ROBO4: variants seen among roughly 807,000 people sequenced by gnomAD.
ROBO4 encodes roundabout guidance receptor 4.
ROBO4 carries 80 observed loss-of-function variants against 103.3 expected under a neutral mutation model. The ratio of observed to expected loss-of-function variants is 0.77; its 90% CI spans 0.65 to 0.93. The LOEUF is 0.93. ROBO4 is among the 40% of genes least tolerant of loss of function. ROBO4 has a pLI of 0.00. For missense variants in ROBO4, 1,333 were observed against 1,305.3 expected (o/e 1.02, Z -0.33); for synonymous variants, 504 against 529.7 (o/e 0.95, Z 0.67).
Position 124,893,933 on chromosome 11 carries a change from T to C in ROBO4, c.1431A>G (p.Ala477=). The change falls in exon 9 of 18, where the codon GCA becomes GCG. Residue 477 remains alanine (A), a synonymous_variant. Coordinates refer to ENST00000306534, the MANE Select transcript of ROBO4 (RefSeq NM_019055.6). ...RPEVIATCGV[A]LWLLLLGTAV... Reference sequence around the variant, plus strand: ...CGGTGCCCAGAAGCAGCAGCCAGAGTGCAACACCGCAGGTGGCAATGACCT... The same window carrying C: ...CGGTGCCCAGAAGCAGCAGCCAGAGCGCAACACCGCAGGTGGCAATGACCT... 6.2e-7 allele frequency: 1 copy of C among 1,611,104 alleles called. No homozygotes were observed. Among genetic ancestry groups the C allele is most frequent in the East Asian group, 2.2e-5 (1 of 44,834 alleles).
Position 124,895,202 on chromosome 11 carries a change from G to C in ROBO4, c.1037-9C>G. The C allele has an allele frequency of 6.2e-7, 1 of 1,600,836 alleles. No individual in the cohort carries two copies. ...AGGTGGGGCACTGGGCACTGGAGGGGTGGAAGAGAGACTATGAGGGGCTCT... is the reference window on the plus strand; with the variant it reads ...AGGTGGGGCACTGGGCACTGGAGGGCTGGAAGAGAGACTATGAGGGGCTCT... On this transcript the variant is annotated splice_polypyrimidine_tract_variant and intron_variant, in intron 6 of 17. Transcript: ENST00000306534.
Position 124,897,031 on chromosome 11 carries a change from C to G in ROBO4, c.301G>C (p.Asp101His). ...AGGTCTGTGGACAGGGCCTGGCCAT[C>G]GTGGGCATGTCCCCGGGCAGGGGGC... ...LQPPARGHAH[D>H]GQALSTDLGV... is the part of the protein sequence containing the mutation. Residue 101 changes from aspartate (D) to histidine (H), a missense_variant, in exon 2 of 18, where the codon GAT becomes CAT. Physicochemically the swap from Asp to His is moderately conservative, Grantham distance 81 (BLOSUM62 -1). Coordinates refer to ENST00000306534, the MANE Select transcript of ROBO4 (RefSeq NM_019055.6). 6.2e-7 allele frequency: 1 copy of G among 1,614,032 alleles called. No homozygotes were observed. The highest frequency in any genetic ancestry group is 8.5e-7 in the Non-Finnish European group (1 of 1,179,980).
At chr11:124,897,290 C>G in intron 1 of ROBO4, 29 bp from the exon 2 acceptor site, 1 of 1,406,462 alleles carries the variant, frequency 7.1e-7, no homozygotes, top group Non-Finnish European at 9.3e-7. Flanking sequence ...AGAGCCCAGT[C>G]TGATCACCAG....
chr11:124,891,822 G>C lies in ROBO4; in HGVS notation c.1548-20C>G, dbSNP rs746601343. 1 of 1,613,572 alleles carries C rather than the reference G, an allele frequency of 6.2e-7. No homozygotes were observed. ...TCCATCCTGGGGCAGTGGAGGGAGG[G>C]GGTGAGGCCAGGAGAAACAGGGAGA... On this transcript the variant is annotated intron_variant, in intron 10 of 17. Transcript: ENST00000306534.
At chr11:124,894,459 T>A in intron 7 of ROBO4, 90 bp from the exon 8 acceptor site, 1 of 1,323,216 alleles carries the variant, frequency 7.6e-7, no homozygotes, top group Non-Finnish European at 1.0e-6. Flanking sequence ...GGGGTGTGGT[T>A]ATTCTGCCCT....
At position 124,887,080 on chromosome 11, in the gene ROBO4, A is replaced by G. The variant is rs1252626075; in HGVS notation, c.2332T>C (p.Ser778Pro). The change falls in exon 15 of 18, where the codon TCC (serine) becomes CCC (proline). Residue 778 changes from serine (S) to proline (P), a missense_variant. Physicochemically the swap from Ser to Pro is moderately conservative, Grantham distance 74 (BLOSUM62 -1). Coordinates refer to ENST00000306534, the MANE Select transcript of ROBO4 (RefSeq NM_019055.6). The stretch of plus-strand genomic sequence containing the variant: ...CCCAGGGATGACAGTGAGGAGCTGG[A>G]CAGGCGACTGGAAGCTGGGCTGGGG... ...SGPSPASSRL[S>P]SSSLSSLGED... 1.2e-6 allele frequency: 2 copies of G among 1,613,626 alleles called. No individual in the cohort carries two copies. The highest frequency in any genetic ancestry group is 2.7e-5 in the African/African-American group (2 of 74,840).
rs1565319811 is a variant in ROBO4, at chr11:124,883,890, C to T, written c.*1001G>A. 1 of 152,156 alleles carries T rather than the reference C, an allele frequency of 6.6e-6. No individual in the cohort carries two copies. The highest frequency in any genetic ancestry group is 1.5e-5 in the Non-Finnish European group (1 of 68,062). The allele number at this position is 152,156 out of a possible 1,614,324, so 9.4% of individuals were successfully genotyped here. A position where few individuals can be genotyped will look rare whatever the true frequency, so the allele number is the denominator to read the frequency against. On this transcript the variant is annotated 3_prime_UTR_variant, in exon 18 of 18. Transcript: ENST00000306534. Reference sequence around the variant, plus strand: ...CTTGGGCAGAATGAACCTATTACTTCATTTTCCCCACAGCCAATCACCCTT... The same window carrying T: ...CTTGGGCAGAATGAACCTATTACTTTATTTTCCCCACAGCCAATCACCCTT...
intron 10 of ROBO4, chr11:124,892,627 C>T (rs1022790753): frequency 6.5e-6 from 1 of 155,002 alleles, no homozygotes; most frequent in African/African-American, 2.4e-5. Flanking sequence ...TGTTTTTCCA[C>T]ATTGACCCCC....
Position 124,894,031 on chromosome 11 carries a change from G to A in ROBO4, c.1333C>T (p.Arg445Ter), listed in dbSNP as rs749483884. 23 of 1,550,750 alleles carry A rather than the reference G, an allele frequency of 1.5e-5. No individual in the cohort carries two copies. Among genetic ancestry groups the A allele is most frequent in the Admixed American group, 5.6e-5 (3 of 53,240 alleles). ...TGCTCACTGGGTTCTTGGGTGGCTC[G>A]CTCCATGGCCTGCTCTGTATGGGAT... is the stretch of plus-strand genomic sequence containing the variant. ...VCLLLEQAME[R>*]ATQEPSEHGP... Residue 445 changes from arginine to a stop codon, truncating the protein, a stop_gained, in exon 9 of 18, where the codon CGA becomes TGA. Transcript: ENST00000306534. LOFTEE classifies it high-confidence loss of function.
chr11:124,884,688 C>T lies in ROBO4; in HGVS notation c.*203G>A. ...GTCAGGTGGAGATGATGTTTTGCTC[C>T]CTGAGGGCTCCAGGTCAGCTTTGCT... On this transcript the variant is annotated 3_prime_UTR_variant, in exon 18 of 18. Coordinates refer to ENST00000306534, the MANE Select transcript of ROBO4 (RefSeq NM_019055.6). 1.6e-6 allele frequency: 1 copy of T among 628,938 alleles called. No homozygotes were observed. Among genetic ancestry groups the T allele is most frequent in the Non-Finnish European group, 2.8e-6 (1 of 353,398 alleles). 39.0% of individuals were successfully genotyped at this position (628,938 alleles called of 1,614,324 possible).
intron 12 of ROBO4, among the ~76,000 whole-genome samples, chr11:124,888,989 C>T (rs1946761003): frequency 6.6e-6 from 1 of 152,282 alleles, no homozygotes; most frequent in African/African-American, 2.4e-5. Context: ...CAGGGTAGAG[C>T]TATCTAGTCA....
At position 124,895,572 on chromosome 11, in the gene ROBO4, G is replaced by A. The variant is rs534292971; in HGVS notation, c.921C>T (p.Ser307=). Residue 307 remains serine (S), a synonymous_variant, in exon 6 of 18, where the codon AGC becomes AGT. Transcript: ENST00000306534. ...CCCAGTGGAGGCCTCCAAGCTCTGC[G>A]CTCTGCCAGCCGGCCAGCAGCTCCT... The part of the protein sequence containing the change: ...WAEELLAGWQ[S]AELGGLHWGQ... 198 of 1,613,216 alleles carry A rather than the reference G, an allele frequency of 1.2e-4. No individual in the cohort carries two copies. The South Asian group carries it at 1.8e-3, about 15-fold the overall frequency.
intron 12 of ROBO4, among the ~76,000 whole-genome samples, chr11:124,889,654 G>A (rs1182715769): frequency 2.6e-5 from 4 of 152,188 alleles, no homozygotes; most frequent in African/African-American, 7.2e-5. Flanking sequence ...TGAGAGACAG[G>A]AGACTGTAAT....
intron 6 of ROBO4, 129 bp downstream of exon 6, chr11:124,895,328 G>C: frequency 8.6e-7 from 1 of 1,161,254 alleles, no homozygotes; most frequent in Non-Finnish European, 1.3e-6. Context: ...GGCCTGGCCA[G>C]GGCAGAAGGG....
rs777504688 is a variant in ROBO4 at position 124,885,053 on chromosome 11, G to T, written c.2989C>A (p.Pro997Thr). ...GACAGACACTCACCACCAGCCTTGGGCATACGACAGTGGAGCTGACTTCTC... is the reference window on the plus strand; with the variant it reads ...GACAGACACTCACCACCAGCCTTGGTCATACGACAGTGGAGCTGACTTCTC... ...SQRSQLHCRM[P>T]KAGASPVDYS Residue 997 changes from proline to threonine, a missense_variant, in exon 17 of 18, where the codon CCC becomes ACC. Coordinates refer to ENST00000306534, the MANE Select transcript of ROBO4 (RefSeq NM_019055.6). The T allele has an allele frequency of 1.9e-6, 3 of 1,614,144 alleles. No homozygotes were observed. In the South Asian group the frequency reaches 3.3e-5, roughly 18 times the overall value.
Position 124,894,013 on chromosome 11 carries a change from T to G in ROBO4, c.1351A>C (p.Ser451Arg). ...QAMERATQEP[S>R]EHGPWTLEQL... The stretch of plus-strand genomic sequence containing the variant: ...TCCAGGGTCCAGGGACCATGCTCAC[T>G]GGGTTCTTGGGTGGCTCGCTCCATG... The change falls in exon 9 of 18, where the codon AGT becomes CGT. Residue 451 changes from serine (S) to arginine (R), a missense_variant. Transcript: ENST00000306534. 1 of 1,557,386 alleles carries G rather than the reference T, an allele frequency of 6.4e-7. No homozygotes were observed.
chr11:124,887,462 C>T lies in ROBO4; in HGVS notation c.2094G>A (p.Leu698=). Reference sequence around the variant, plus strand: ...TTGAGGAGCTGAGGAGTTTCGGTCCCAGGGCCCGCCAGGCAACCAGAGCTT... The same window carrying T: ...TTGAGGAGCTGAGGAGTTTCGGTCCTAGGGCCCGCCAGGCAACCAGAGCTT... ...VPQALVAWRA[L]GPKLLSSSNE... The change falls in exon 14 of 18, where the codon CTG becomes CTA. Residue 698 remains leucine (L), a synonymous_variant. Coordinates refer to ENST00000306534, the MANE Select transcript of ROBO4 (RefSeq NM_019055.6). 1 of 1,613,938 alleles carries T rather than the reference C, an allele frequency of 6.2e-7. No homozygotes were observed. Among genetic ancestry groups the T allele is most frequent in the Non-Finnish European group, 8.5e-7 (1 of 1,179,954 alleles).
Position 124,884,790 on chromosome 11 carries a change from C to T in ROBO4, c.*101G>A. On this transcript the variant is annotated 3_prime_UTR_variant, in exon 18 of 18. Transcript: ENST00000306534. ...GGCTTGGGAAGGTGGACCCCAGCTGCAGAGAAACACAGGCCAAGACCCACA... is the reference window on the plus strand; with the variant it reads ...GGCTTGGGAAGGTGGACCCCAGCTGTAGAGAAACACAGGCCAAGACCCACA... The T allele has an allele frequency of 7.5e-7, 1 of 1,328,658 alleles. No homozygotes were observed. Among genetic ancestry groups the T allele is most frequent in the South Asian group, 1.2e-5 (1 of 84,500 alleles). 82.3% of individuals were successfully genotyped at this position (1,328,658 alleles called of 1,614,324 possible).
Position 124,895,920 on chromosome 11 carries a change from G to T in ROBO4, c.680-8C>A, listed in dbSNP as rs1197870335. 3 of 1,613,414 alleles carry T rather than the reference G, an allele frequency of 1.9e-6. No homozygotes were observed. In the South Asian group the frequency reaches 3.3e-5, roughly 18 times the overall value. ...CCGTGTAGTCCTGGGGCTCTGTGGGGAGGATAGGGCTGGGCTGGGGCTTAT... is the reference window on the plus strand; with the variant it reads ...CCGTGTAGTCCTGGGGCTCTGTGGGTAGGATAGGGCTGGGCTGGGGCTTAT... On this transcript the variant is annotated splice_region_variant and splice_polypyrimidine_tract_variant and intron_variant, in intron 4 of 17. Coordinates refer to ENST00000306534, the MANE Select transcript of ROBO4 (RefSeq NM_019055.6).
Sources: gnomAD v4.1 joint callset for allele counts (sites outside exome capture counted in the v4.1 genomes callset) on GRCh38, gnomAD v4.1.1 for gene constraint, MANE v1.5 for transcripts, NCBI Gene and HGNC (gene_info 2026-07-23, HGNC 2026-07-21) for gene names.